The following ACSS3 variants were observed in gnomAD, a reference collection of about 807,000 sequenced individuals.
ACSS3 encodes the protein acyl-CoA synthetase short chain family member 3, also known as acyl-CoA synthetase short-chain family member 3, mitochondrial.
In ACSS3, 64 loss-of-function variants were observed where a neutral mutation model predicts 84.2. The ratio of observed to expected loss-of-function variants is 0.76; its 90% CI spans 0.62 to 0.94. ACSS3 has a LOEUF of 0.94. Among genes scored for constraint, ACSS3 ranks in the 40% least tolerant of loss-of-function variants. The pLI, the probability that ACSS3 is intolerant of heterozygous loss-of-function variation, is 0.00. For missense variants in ACSS3, 815 were observed against 867.6 expected, an observed-to-expected ratio of 0.94 and a Z score of 0.76; for synonymous variants, 317 against 310.1, an observed-to-expected ratio of 1.02 and a Z score of -0.23.
chr12:81,133,408 G>C (rs778568622), intron 2 of ACSS3, among the ~76,000 whole-genome samples: 10 of 152,084 alleles, frequency 6.6e-5, no homozygotes, highest in Admixed American at 1.3e-4. Flanking sequence ...TTGGCTCCCT[G>C]ACCTGATCGA....
chr12:81,133,144 C>A (rs1593109405), intron 2 of ACSS3, among the ~76,000 whole-genome samples: 1 of 151,508 alleles, frequency 6.6e-6, no homozygotes, highest in Non-Finnish European at 1.5e-5. Flanking sequence ...TGTCTTTCAC[C>A]AGATCCCTTA....
chr12:81,108,573 G>A lies in ACSS3; in HGVS notation c.312-987G>A, dbSNP rs187879357. ...ATTACAGGCATGAGCCACTGAGCCC[G>A]GCCTCTGTGGCTATGATTTTTTAAT... On this transcript the variant is annotated intron_variant, in intron 1 of 15. Transcript: ENST00000548058. 1.4e-4 allele frequency among the ~76,000 whole-genome samples: 21 copies of A among 152,198 alleles called. No homozygotes were observed. In the East Asian group the frequency reaches 1.5e-3, roughly 11 times the overall value.
chr12:81,174,019 GA>G (rs2030285667), intron 7 of ACSS3, among the ~76,000 whole-genome samples: 1 of 152,082 alleles, frequency 6.6e-6, no homozygotes, highest in African/African-American at 2.4e-5. Flanking sequence ...AGGTAGCAGT[GA>G]TGAGGACTGA....
Position 81,213,957 on chromosome 12 carries a change from C to CTT in ACSS3, c.1355-2943_1355-2942insTT, listed in dbSNP as rs1165408959. ...CCTTTCTCTCTCTCTCTCCCTCTCTCTCTTTCTTTCTTTCTTTCTTTCTTT... is the reference window on the plus strand; with the variant it reads ...CCTTTCTCTCTCTCTCTCCCTCTCTCTTTCTTTCTTTCTTTCTTTCTTTCTTT... On this transcript the variant is annotated intron_variant, in intron 9 of 15. Transcript: ENST00000548058. Among the ~76,000 whole-genome samples the CTT allele has an allele frequency of 3.6e-3, 177 of 49,138 alleles. 1 individual carries two copies. Among genetic ancestry groups the CTT allele is most frequent in the African/African-American group, 0.011 (151 of 13,988 alleles). The allele number at this position is 49,138 out of a possible 152,430, so 32.2% of individuals were successfully genotyped here. A position where few individuals can be genotyped will look rare whatever the true frequency, so the allele number is the denominator to read the frequency against.
intron 1 of ACSS3, among the ~76,000 whole-genome samples, chr12:81,106,745 C>T (rs527923331): frequency 2.6e-5 from 4 of 152,160 alleles, no homozygotes; most frequent in East Asian, 3.9e-4. Flanking sequence ...ATGGAGATGG[C>T]TTGAGTGAAT....
chr12:81,133,532 C>T (rs114571763), intron 2 of ACSS3, among the ~76,000 whole-genome samples: 16 of 152,198 alleles, frequency 1.1e-4, no homozygotes, highest in African/African-American at 3.9e-4. Context: ...CTGATGTTCT[C>T]TTTGCCTGAA....
At chr12:81,149,141 A>G (rs945860465) in intron 5 of ACSS3, among the ~76,000 whole-genome samples, 1 of 152,040 alleles carries the variant, frequency 6.6e-6, no homozygotes, top group Non-Finnish European at 1.5e-5. Context: ...CGAAAGACTA[A>G]AATGAAGAAG....
chr12:81,191,781 G>T (rs1385183979), intron 8 of ACSS3, among the ~76,000 whole-genome samples: 1 of 151,906 alleles, frequency 6.6e-6, no homozygotes, highest in African/African-American at 2.4e-5. Context: ...TCTGTTTGAT[G>T]ATTTTTCTGC....
chr12:81,079,227 G>A (rs77838532), intron 1 of ACSS3, among the ~76,000 whole-genome samples: 10,169 of 152,020 alleles, frequency 0.067, 562 homozygotes, highest in East Asian at 0.14. Flanking sequence ...TTTTTTTTGC[G>A]TTACAACAAA....
chr12:81,150,100 T>C (rs12815742), intron 5 of ACSS3, among the ~76,000 whole-genome samples: 46,836 of 152,084 alleles, frequency 0.31, 8,842 homozygotes, highest in Non-Finnish European at 0.43. Context: ...TGTCTTCCCT[T>C]ACCTTTTATT....
chr12:81,139,965 A>AACTAGATGATAATATTATT (rs1346213175), intron 4 of ACSS3, among the ~76,000 whole-genome samples: 73 of 152,176 alleles, frequency 4.8e-4, no homozygotes, highest in African/African-American at 1.7e-3. Flanking sequence ...TAACTCTATT[A>AACTAGATGATAATATTATT]ACTAGATGAT....
intron 9 of ACSS3, among the ~76,000 whole-genome samples, chr12:81,205,376 G>A (rs1486632099): frequency 6.6e-6 from 1 of 152,074 alleles, no homozygotes; most frequent in Non-Finnish European, 1.5e-5. Flanking sequence ...AAAAGTTGAC[G>A]AGGTTGATCG....
intron 13 of ACSS3, among the ~76,000 whole-genome samples, chr12:81,243,240 G>A (rs1234637557): frequency 2.0e-5 from 3 of 152,126 alleles, no homozygotes; most frequent in Non-Finnish European, 2.9e-5. Flanking sequence ...GCCAAATCAT[G>A]AGTGAACTCC....
rs6144778 is a variant in ACSS3 at position 81,204,270 on chromosome 12, A to ATTCTTCCTTCCTCCTC, written c.1354+4887_1354+4902dup. Among the ~76,000 whole-genome samples, 113 of 137,198 alleles carry ATTCTTCCTTCCTCCTC rather than the reference A, an allele frequency of 8.2e-4. 2 individuals are homozygous for ATTCTTCCTTCCTCCTC. The highest frequency in any genetic ancestry group is 2.9e-3 in the African/African-American group (106 of 36,260). 90.0% of individuals were successfully genotyped at this position (137,198 alleles called of 152,430 possible). A position where few individuals can be genotyped will look rare whatever the true frequency, so the allele number is the denominator to read the frequency against. ...AAACACAGTAGATCTACTTTTTTCT[A>ATTCTTCCTTCCTCCTC]TTCTTCCTTCCTCCTCTTCTTCCTT... On this transcript the variant is annotated intron_variant, in intron 9 of 15. Coordinates refer to ENST00000548058, the MANE Select transcript of ACSS3 (RefSeq NM_024560.4).
intron 11 of ACSS3, among the ~76,000 whole-genome samples, chr12:81,225,689 C>T (rs1367222193): frequency 6.6e-6 from 1 of 151,872 alleles, no homozygotes; most frequent in African/African-American, 2.4e-5. Flanking sequence ...TCTAAAAATA[C>T]TAAATTTCTT....
chr12:81,251,707 G>C (rs1321280186), intron 13 of ACSS3, among the ~76,000 whole-genome samples: 1 of 139,266 alleles, frequency 7.2e-6, no homozygotes, highest in East Asian at 2.0e-4. Flanking sequence ...GCCAGCCATG[G>C]TGGTGTGCAC....
At position 81,100,472 on chromosome 12, in the gene ACSS3, T is replaced by G. The variant is rs7133645; in HGVS notation, c.312-9088T>G. Among the ~76,000 whole-genome samples the G allele has an allele frequency of 4.1e-3, 618 of 152,276 alleles. 5 individuals carry two copies. Among genetic ancestry groups the G allele is most frequent in the African/African-American group, 0.014 (588 of 41,562 alleles). Reference sequence around the variant, plus strand: ...CATCTAACATTTCTGTAGTGACTATTTATTTACAGGAGCTGAGATTCTACC... The same window carrying G: ...CATCTAACATTTCTGTAGTGACTATGTATTTACAGGAGCTGAGATTCTACC... On this transcript the variant is annotated intron_variant, in intron 1 of 15. Transcript: ENST00000548058.
At chr12:81,254,717 C>A in intron 15 of ACSS3, 140 bp from the exon 16 acceptor site, 1 of 604,330 alleles carries the variant, frequency 1.7e-6, no homozygotes, top group Non-Finnish European at 2.7e-6. Context: ...ATATTAGGTT[C>A]AAAGTTCCCT....
At chr12:81,106,282 T>A (rs1347224342) in intron 1 of ACSS3, among the ~76,000 whole-genome samples, 1 of 152,170 alleles carries the variant, frequency 6.6e-6, no homozygotes, top group Admixed American at 6.5e-5. Context: ...AGCCATATTG[T>A]GAACTGCACA....
Sources: allele counts gnomAD v4.1 joint callset (sites outside exome capture counted in the v4.1 genomes callset), GRCh38; gene constraint gnomAD v4.1.1; transcripts MANE v1.5; gene names NCBI Gene and HGNC (gene_info 2026-07-23, HGNC 2026-07-21).